The following CCDC50 variants were observed in gnomAD, a reference collection of about 807,000 sequenced individuals.
CCDC50 encodes coiled-coil domain-containing protein 50.
CCDC50 carries 54 observed loss-of-function variants against 70.2 expected under a neutral mutation model. That is an observed-to-expected ratio of 0.77 (90% confidence interval 0.62 to 0.96). The LOEUF (loss-of-function observed/expected upper bound fraction) is 0.96, where lower values mean the gene tolerates loss of function less well. CCDC50 is among the 50% of genes least tolerant of loss of function. The pLI, the probability that CCDC50 is intolerant of heterozygous loss-of-function variation, is 0.00. For missense variants in CCDC50, 558 were observed against 578.7 expected, an observed-to-expected ratio of 0.96 and a Z score of 0.37; for synonymous variants, 216 against 198.8, an observed-to-expected ratio of 1.09 and a Z score of -0.73.
At chr3:191,390,932 C>G (rs1252912343) in intron 11 of CCDC50, among the ~76,000 whole-genome samples, 1 of 152,206 alleles carries the variant, frequency 6.6e-6, no homozygotes, top group Non-Finnish European at 1.5e-5. Context: ...TTGCAAGGAT[C>G]TGCGTTCACT....
chr3:191,345,812 CT>C (rs1190583241), intron 1 of CCDC50, among the ~76,000 whole-genome samples: 2 of 152,098 alleles, frequency 1.3e-5, no homozygotes, highest in Non-Finnish European at 2.9e-5. Context: ...ATCAGTTTTA[CT>C]TTTCAGAATG....
At chr3:191,339,396 TA>T (rs1180992618) in intron 1 of CCDC50, among the ~76,000 whole-genome samples, 5 of 152,162 alleles carry the variant, frequency 3.3e-5, no homozygotes, top group Non-Finnish European at 7.4e-5. Flanking sequence ...TGACTCTATA[TA>T]AAAAAAGTGA....
chr3:191,357,755 G>T (rs1241326504), intron 2 of CCDC50, among the ~76,000 whole-genome samples: 2 of 152,086 alleles, frequency 1.3e-5, no homozygotes, highest in Non-Finnish European at 2.9e-5. Context: ...AGATGTCCTG[G>T]CACTGCCACT....
Position 191,382,733 on chromosome 3 carries a change from T to C in CCDC50, c.1243-13T>C, listed in dbSNP as rs763461842. 3 of 1,577,574 alleles carry C rather than the reference T, an allele frequency of 1.9e-6. No homozygotes were observed. The highest frequency in any genetic ancestry group is 2.6e-6 in the Non-Finnish European group (3 of 1,147,854). On this transcript the variant is annotated splice_polypyrimidine_tract_variant and intron_variant, in intron 9 of 11. Transcript: ENST00000392455. ...TGTTATTTTTGTTTGTTTGTTTGTATTTTTGTCCATAGCCAAAAACAGCTA... is the reference window on the plus strand; with the variant it reads ...TGTTATTTTTGTTTGTTTGTTTGTACTTTTGTCCATAGCCAAAAACAGCTA...
chr3:191,366,234 A>C (rs146235504), intron 4 of CCDC50, among the ~76,000 whole-genome samples: 11 of 152,268 alleles, frequency 7.2e-5, no homozygotes, highest in African/African-American at 2.6e-4. Context: ...CTATTCTTTA[A>C]AGCTAAAGAA....
intron 6 of CCDC50, among the ~76,000 whole-genome samples, chr3:191,377,388 C>G (rs990483934): frequency 9.2e-5 from 14 of 152,080 alleles, no homozygotes; most frequent in African/African-American, 3.4e-4. Context: ...ATTTGCAGAG[C>G]AGCATTAATA....
intron 1 of CCDC50, among the ~76,000 whole-genome samples, chr3:191,352,098 G>A (rs1312537129): frequency 1.4e-5 from 2 of 142,092 alleles, no homozygotes; most frequent in East Asian, 3.9e-4. Flanking sequence ...CTGTTCCAGT[G>A]TTTATGACTT....
chr3:191,353,613 A>G (rs756299436), intron 1 of CCDC50, among the ~76,000 whole-genome samples: 7 of 142,250 alleles, frequency 4.9e-5, no homozygotes, highest in Non-Finnish European at 7.9e-5. Flanking sequence ...ACTGATTTAC[A>G]AAGTTGACTG....
Position 191,380,179 on chromosome 3 carries a change from A to C in CCDC50, c.997A>C (p.Lys333Gln), listed in dbSNP as rs117877324. ...HDAGMKPRVMKEAVSTPSRMA... is the reference protein window; with the variant it reads ...HDAGMKPRVMQEAVSTPSRMA... ...TAAAGGAATGAAGCCAAGAGTGATG[A>C]AAGAAGCTGTATCTACTCCATCACG... Residue 333 changes from lysine to glutamine, a missense_variant, in exon 7 of 12, where the codon AAA (lysine) becomes CAA (glutamine). Transcript: ENST00000392455. 3.7e-6 allele frequency: 6 copies of C among 1,601,868 alleles called. No individual in the cohort carries two copies. The East Asian group carries it at 1.3e-4, about 36-fold the overall frequency.
chr3:191,357,740 T>C (rs983041041), intron 2 of CCDC50, among the ~76,000 whole-genome samples: 1 of 152,212 alleles, frequency 6.6e-6, no homozygotes, highest in Non-Finnish European at 1.5e-5. Context: ...TTAGAATATT[T>C]GTGTAGATGT....
chr3:191,368,230 A>G (rs985394370), intron 4 of CCDC50, among the ~76,000 whole-genome samples: 2 of 151,934 alleles, frequency 1.3e-5, no homozygotes, highest in African/African-American at 4.8e-5. Context: ...TTTTTCCATC[A>G]AAGTCTTAGA....
At chr3:191,364,095 A>C (rs910342135) in intron 4 of CCDC50, among the ~76,000 whole-genome samples, 1 of 150,038 alleles carries the variant, frequency 6.7e-6, no homozygotes, top group Non-Finnish European at 1.5e-5. Flanking sequence ...TTTTAGACAG[A>C]GTCTTGCTCT....
chr3:191,346,206 T>G (rs1382987806), intron 1 of CCDC50, among the ~76,000 whole-genome samples: 1 of 152,214 alleles, frequency 6.6e-6, no homozygotes, highest in Non-Finnish European at 1.5e-5. Context: ...CTTGTAAATA[T>G]TTCTTGCTTC....
chr3:191,330,189 C>T (rs1402818861), intron 1 of CCDC50, among the ~76,000 whole-genome samples: 1 of 152,028 alleles, frequency 6.6e-6, no homozygotes, highest in Non-Finnish European at 1.5e-5. Flanking sequence ...TTTCCTAGGC[C>T]GGCGTCTGGC....
intron 5 of CCDC50, among the ~76,000 whole-genome samples, chr3:191,370,739 T>G (rs751196143): frequency 3.3e-5 from 5 of 152,080 alleles, no homozygotes; most frequent in Non-Finnish European, 5.9e-5. Context: ...TCCGCCCACA[T>G]CAGCCTCCCA....
At chr3:191,344,076 G>C (rs1711825378) in intron 1 of CCDC50, among the ~76,000 whole-genome samples, 2 of 152,224 alleles carry the variant, frequency 1.3e-5, no homozygotes, top group Non-Finnish European at 2.9e-5. Flanking sequence ...GCTGACACAA[G>C]ACCAGTAATA....
intron 2 of CCDC50, 48 bp downstream of exon 2, chr3:191,357,198 G>C: frequency 6.7e-7 from 1 of 1,486,668 alleles, no homozygotes; most frequent in Non-Finnish European, 9.4e-7. Flanking sequence ...TTTTTTTAGT[G>C]GTAGCTTGAG....
rs1049059619 is a variant in CCDC50, at chr3:191,396,013, C to A, written c.*4253C>A. 2.0e-5 allele frequency: 3 copies of A among 152,124 alleles called. No homozygotes were observed. Among genetic ancestry groups the A allele is most frequent in the Non-Finnish European group, 4.4e-5 (3 of 68,010 alleles). 9.4% of individuals were successfully genotyped at this position (152,124 alleles called of 1,614,324 possible). A position where few individuals can be genotyped will look rare whatever the true frequency, so the allele number is the denominator to read the frequency against. On this transcript the variant is annotated 3_prime_UTR_variant, in exon 12 of 12. Coordinates refer to ENST00000392455, the MANE Select transcript of CCDC50 (RefSeq NM_178335.3). ...TCTTTCAAATTATTGGTGGAAGAAT[C>A]TCTTTTATCCATGGCGAGAGGTAAG...
chr3:191,334,810 A>G (rs75368433), intron 1 of CCDC50, among the ~76,000 whole-genome samples: 9,084 of 152,238 alleles, frequency 0.06, 483 homozygotes, highest in East Asian at 0.25. Context: ...TAGAATGAAA[A>G]TAATAAGGCT....
Sources: allele counts gnomAD v4.1 joint callset (sites outside exome capture counted in the v4.1 genomes callset), GRCh38; gene constraint gnomAD v4.1.1; transcripts MANE v1.5; gene names NCBI Gene and HGNC (gene_info 2026-07-23, HGNC 2026-07-21).